SYNE1: variants seen among roughly 807,000 people sequenced by gnomAD.
SYNE1 encodes the protein nesprin-1.
Under a neutral mutation model 1,111.0 loss-of-function variants are expected in SYNE1, and 616 were observed. The observed-to-expected ratio is 0.55, with a 90% CI of 0.52 to 0.59. The LOEUF (loss-of-function observed/expected upper bound fraction) is 0.59, where lower values mean the gene tolerates loss of function less well. SYNE1 is among the 20% of genes least tolerant of loss of function. SYNE1 has a pLI of 0.00. For missense variants in SYNE1, 10,006 were observed against 10,417.0 expected, an observed-to-expected ratio of 0.96 and a Z score of 1.72; for synonymous variants, 3,855 against 3,825.8, an observed-to-expected ratio of 1.01 and a Z score of -0.28.
intron 3 of SYNE1, among the ~76,000 whole-genome samples, chr6:152,558,046 C>T (rs907548935): frequency 1.3e-5 from 2 of 152,036 alleles, no homozygotes; most frequent in Non-Finnish European, 2.9e-5. Flanking sequence ...TAAATTGTGA[C>T]ATTAATAATA....
At chr6:152,326,658 A>G (rs1234238938) in intron 78 of SYNE1, 25 bp from the exon 79 acceptor site, 27 of 1,601,886 alleles carry the variant, frequency 1.7e-5, no homozygotes, top group Non-Finnish European at 2.2e-5. Flanking sequence ...TTGCAAACAT[A>G]ATCAACTCTC....
intron 16 of SYNE1, among the ~76,000 whole-genome samples, chr6:152,467,266 T>A (rs2154273135): frequency 6.6e-6 from 1 of 152,210 alleles, no homozygotes; most frequent in Middle Eastern, 3.4e-3. Context: ...GAGAATAAAG[T>A]CAGACAATAG....
chr6:152,410,393 CT>C (rs200708827), intron 42 of SYNE1: 5,407 of 140,460 alleles, frequency 0.038, 224 homozygotes, highest in East Asian at 0.27. Flanking sequence ...AAGCTGTAGG[CT>C]TTTTTTTTTT....
In SYNE1 at chr6:152,325,109, T is replaced by G. The variant is rs749562806; in HGVS notation, c.15632A>C (p.Asp5211Ala). ...DQEKILEDAVDEWTGFNNKVK... is the reference protein window; with the variant it reads ...DQEKILEDAVAEWTGFNNKVK... ...CTTGTTGTTAAAGCCCGTCCACTCA[T>G]CCACTGCATCTTCCAGGATCTTCTC... The change falls in exon 81 of 146, where the codon GAT (aspartate) becomes GCT (alanine). Residue 5211 changes from aspartate (D) to alanine (A), a missense_variant. Asp to Ala is a moderately radical substitution (Grantham distance 126, BLOSUM62 -2). Transcript: ENST00000367255. 1.9e-6 allele frequency: 3 copies of G among 1,614,198 alleles called. No individual in the cohort carries two copies. The highest frequency in any genetic ancestry group is 1.7e-6 in the Non-Finnish European group (2 of 1,180,044).
chr6:152,148,237 C>A lies in SYNE1; in HGVS notation c.24784G>T (p.Ala8262Ser), dbSNP rs886043013. 22 of 1,613,752 alleles carry A rather than the reference C, an allele frequency of 1.4e-5. No individual in the cohort carries two copies. The highest frequency in any genetic ancestry group is 1.8e-5 in the Non-Finnish European group (21 of 1,179,822). The change falls in exon 137 of 146, where the codon GCT (alanine) becomes TCT (serine). Residue 8262 changes from alanine to serine, a missense_variant. Around this residue, in one of 7 missense-constraint regions of SYNE1, gnomAD observed 761 missense variants for 795.5 expected, o/e 0.96. Transcript: ENST00000367255. This position sits in a 1 kb window ranked among gnomAD's most constrained non-coding sequence, Gnocchi z 4.1. ...QPSSNLSLSL[A>S]QPLRSERSGR... is the part of the protein sequence containing the mutation. ...GACCGCTCGCTCCGGAGGGGCTGAGCGAGCGAGAGGGAGAGATTGGAGGAA... is the reference window on the plus strand; with the variant it reads ...GACCGCTCGCTCCGGAGGGGCTGAGAGAGCGAGAGGGAGAGATTGGAGGAA...
rs181640566 is a variant in SYNE1 at position 152,408,100 on chromosome 6, T to C, written c.6541-904A>G. Among the ~76,000 whole-genome samples, 263 of 152,234 alleles carry C rather than the reference T, an allele frequency of 1.7e-3. 2 individuals are homozygous for C. Among genetic ancestry groups the C allele is most frequent in the African/African-American group, 5.8e-3 (243 of 41,540 alleles). Reference sequence around the variant, plus strand: ...TTTAAAAGTGGAAGCATGTAGGGTTTTCTGCAGTCCCCAAATTATTTTATT... The same window carrying C: ...TTTAAAAGTGGAAGCATGTAGGGTTCTCTGCAGTCCCCAAATTATTTTATT... On this transcript the variant is annotated intron_variant, in intron 44 of 145. Coordinates refer to ENST00000367255, the MANE Select transcript of SYNE1 (RefSeq NM_182961.4).
At chr6:152,253,813 GTTTGGTTTTTTTTTTTTTTTTTTTT>G (rs1245139760) in intron 104 of SYNE1, among the ~76,000 whole-genome samples, 349 of 33,226 alleles carry the variant, frequency 0.011, 13 homozygotes, top group African/African-American at 0.028. Context: ...ATGTGTAGTG[GTTTGGTTTTTTTTTTTTTTTTTTTT>G]TTTTTTTTTT....
chr6:152,510,306 G>A lies in SYNE1; in HGVS notation c.468C>T (p.Asp156=), dbSNP rs764092766. 3 of 1,613,974 alleles carry A rather than the reference G, an allele frequency of 1.9e-6. No individual in the cohort carries two copies. The African/African-American group carries it at 4.0e-5, about 22-fold the overall frequency. Residue 156 remains aspartate (D), a synonymous_variant, in exon 8 of 146, where the codon GAC becomes GAT. Transcript: ENST00000367255. ...QSLSSSASSV[D]SIVSSETPSP... ...TGGGAGTCTCAGAGCTAACTATGCT[G>A]TCCACGGAGGATGCGCTGCTGGACA...
chr6:152,210,024 G>A (rs2077251324), intron 124 of SYNE1, among the ~76,000 whole-genome samples: 1 of 152,144 alleles, frequency 6.6e-6, no homozygotes, highest in African/African-American at 2.4e-5. Flanking sequence ...CAACCAAGCT[G>A]TCCCAAACTA....
At chr6:152,463,569 A>G (rs1324149228) in intron 18 of SYNE1, 52 bp from the exon 19 acceptor site, 1 of 1,465,234 alleles carries the variant, frequency 6.8e-7, no homozygotes, top group Admixed American at 1.8e-5. Context: ...AATATCAGTG[A>G]CTGATATGAA....
chr6:152,447,408 C>G (rs773437955), intron 29 of SYNE1, 50 bp downstream of exon 29: 1 of 1,601,060 alleles, frequency 6.2e-7, no homozygotes. Context: ...AAGAACCTTC[C>G]AGATGCCTCA....
rs186090448 is a variant in SYNE1, at chr6:152,323,173, G to A, written c.15917+305C>T. Among the ~76,000 whole-genome samples the A allele has an allele frequency of 2.9e-3, 449 of 152,284 alleles. 3 individuals are homozygous for A. The highest frequency in any genetic ancestry group is 0.011 in the African/African-American group (438 of 41,556). On this transcript the variant is annotated intron_variant, in intron 82 of 145. Transcript: ENST00000367255. ...CAGTAACAGAATGAAAGTAGGGGCC[G>A]GGCGCGGTGGCTCACGCTTGTAATC... is the stretch of plus-strand genomic sequence containing the variant.
chr6:152,467,112 A>C (rs1026373136), intron 16 of SYNE1, among the ~76,000 whole-genome samples: 1 of 152,094 alleles, frequency 6.6e-6, no homozygotes, highest in African/African-American at 2.4e-5. Flanking sequence ...TCTATAACAT[A>C]TTTCATATCA....
At chr6:152,150,067 T>A (rs1050695070) in intron 135 of SYNE1, among the ~76,000 whole-genome samples, 1 of 152,218 alleles carries the variant, frequency 6.6e-6, no homozygotes, top group Non-Finnish European at 1.5e-5. Context: ...AATATCCCGA[T>A]CATTTTAATT....
intron 139 of SYNE1, 47 bp downstream of exon 139, chr6:152,141,156 A>G: frequency 6.2e-7 from 1 of 1,613,500 alleles, no homozygotes; most frequent in Non-Finnish European, 8.5e-7. Context: ...AAAGTGCTTC[A>G]GGATCTTCTA....
chr6:152,542,782 T>A (rs1023427212), intron 3 of SYNE1, among the ~76,000 whole-genome samples: 1 of 152,232 alleles, frequency 6.6e-6, no homozygotes, highest in African/African-American at 2.4e-5. Context: ...AATCTTTAGG[T>A]TGTATAAATA....
At chr6:152,476,623 C>T (rs969101193) in intron 14 of SYNE1, among the ~76,000 whole-genome samples, 7 of 152,000 alleles carry the variant, frequency 4.6e-5, no homozygotes, top group African/African-American at 1.7e-4. Flanking sequence ...CGTGTAATTC[C>T]AGCACTTTAG....
rs555999949 is a variant in SYNE1 at position 152,566,299 on chromosome 6, T to A, written c.68-26278A>T. ...TTTGAGAAAAACATGTTCTCGCTTCTCAAGCTGAAGCGAGCAACTAGCATG... is the reference window on the plus strand; with the variant it reads ...TTTGAGAAAAACATGTTCTCGCTTCACAAGCTGAAGCGAGCAACTAGCATG... On this transcript the variant is annotated intron_variant, in intron 3 of 145. Coordinates refer to ENST00000367255, the MANE Select transcript of SYNE1 (RefSeq NM_182961.4). Among the ~76,000 whole-genome samples the A allele has an allele frequency of 2.6e-5, 4 of 152,258 alleles. No homozygotes were observed. In the East Asian group the frequency reaches 7.7e-4, roughly 29 times the overall value.
At chr6:152,123,939 C>T (rs144761472) in intron 145 of SYNE1, among the ~76,000 whole-genome samples, 213 of 152,214 alleles carry the variant, frequency 1.4e-3, no homozygotes, top group African/African-American at 5.0e-3. Context: ...TGCGGAGTGA[C>T]ACCTAAGAAA....
Sources: gnomAD v4.1 joint callset for allele counts (sites outside exome capture counted in the v4.1 genomes callset) on GRCh38, gnomAD v4.1.1 for gene constraint, gnomAD v4.1.1 regional missense constraint, Gnocchi (gnomAD v3.1) non-coding constraint, MANE v1.5 for transcripts, NCBI Gene and HGNC (gene_info 2026-07-23, HGNC 2026-07-21) for gene names.